ERC2: variants seen among roughly 807,000 people sequenced by gnomAD.
The protein encoded by ERC2 is ERC protein 2.
In ERC2, 42 loss-of-function variants were observed where a neutral mutation model predicts 114.8. The observed-to-expected ratio is 0.37, with a 90% CI of 0.29 to 0.47. The LOEUF (loss-of-function observed/expected upper bound fraction) is 0.47. Ranked by LOEUF, ERC2 falls within the 20% of genes least tolerant of loss-of-function variation. ERC2 has a pLI of 0.99. For synonymous variants in ERC2, 454 were observed against 425.5 expected, an observed-to-expected ratio of 1.07 and a Z score of -0.82; for missense variants, 939 against 1,150.7, an observed-to-expected ratio of 0.82 and a Z score of 2.66.
intron 14 of ERC2, among the ~76,000 whole-genome samples, chr3:55,757,710 A>C (rs1290567443): frequency 2.6e-5 from 4 of 152,186 alleles, no homozygotes; most frequent in African/African-American, 9.7e-5. Flanking sequence ...AGGAGGAGTT[A>C]TAAACCTATA....
chr3:55,733,272 T>C (rs1177440177), intron 15 of ERC2, among the ~76,000 whole-genome samples: 3 of 151,954 alleles, frequency 2.0e-5, no homozygotes, highest in Admixed American at 2.0e-4. Context: ...AGAGGTCAGG[T>C]GTAAGCAATC....
In ERC2 at chr3:55,543,934, C is replaced by T. The variant is rs2054573102; in HGVS notation, c.*40-32658G>A. Among the ~76,000 whole-genome samples the T allele has an allele frequency of 2.6e-5, 4 of 152,214 alleles. No homozygotes were observed. The South Asian group carries it at 8.3e-4, about 32-fold the overall frequency. ...CAATTCAGATTCTCAAGAACAAGAA[C>T]CTGCCTGGCCTATTTCATCCGTTCA... On this transcript the variant is annotated intron_variant, in intron 17 of 17. Coordinates refer to ENST00000288221, the MANE Select transcript of ERC2 (RefSeq NM_015576.3).
In ERC2 at chr3:56,223,518, C is replaced by CA. The variant is rs60141863; in HGVS notation, c.1075-49999dup. The stretch of plus-strand genomic sequence containing the variant: ...CTCAAAGGCTACCAAAGAAAAATGG[C>CA]AAAAAAAAAAAAAAAAAAAAAATGA... On this transcript the variant is annotated intron_variant, in intron 3 of 17. Coordinates refer to ENST00000288221, the MANE Select transcript of ERC2 (RefSeq NM_015576.3). Among the ~76,000 whole-genome samples, 306 of 122,984 alleles carry CA rather than the reference C, an allele frequency of 2.5e-3. 1 individual carries two copies. Among genetic ancestry groups the CA allele is most frequent in the African/African-American group, 8.4e-3 (263 of 31,210 alleles). 80.7% of individuals were successfully genotyped at this position (122,984 alleles called of 152,430 possible).
intron 14 of ERC2, among the ~76,000 whole-genome samples, chr3:55,739,678 T>G (rs946758662): frequency 1.3e-5 from 2 of 152,190 alleles, no homozygotes; most frequent in African/African-American, 4.8e-5. Context: ...GTGGGTAGAT[T>G]GCAAAAATTT....
At chr3:56,201,115 T>C (rs1357532155) in intron 3 of ERC2, among the ~76,000 whole-genome samples, 1 of 152,132 alleles carries the variant, frequency 6.6e-6, no homozygotes, top group African/African-American at 2.4e-5. Flanking sequence ...TCTTCAGTCC[T>C]TCTGCCTGGT....
intron 3 of ERC2, among the ~76,000 whole-genome samples, chr3:56,187,468 G>A (rs548228009): frequency 6.6e-6 from 1 of 152,240 alleles, no homozygotes; most frequent in South Asian, 2.1e-4. Flanking sequence ...TTAGGTAAGT[G>A]GCTTTAAAAC....
At chr3:55,639,082 T>C in intron 17 of ERC2, among the ~76,000 whole-genome samples, 1 of 152,232 alleles carries the variant, frequency 6.6e-6, no homozygotes, top group Non-Finnish European at 1.5e-5. Flanking sequence ...GTCGGTGAGC[T>C]ATCTAACTCT....
At chr3:56,103,967 C>T (rs9844291) in intron 6 of ERC2, among the ~76,000 whole-genome samples, 26,107 of 152,032 alleles carry the variant, frequency 0.17, 2,449 homozygotes, top group African/African-American at 0.23. Flanking sequence ...GGAAGTTCAG[C>T]GGCACTGCTA....
chr3:56,255,595 T>G (rs145924170), intron 3 of ERC2, among the ~76,000 whole-genome samples: 1 of 152,320 alleles, frequency 6.6e-6, no homozygotes, highest in Non-Finnish European at 1.5e-5. Context: ...CTAGATACTT[T>G]CGAGAAATTT....
intron 6 of ERC2, among the ~76,000 whole-genome samples, chr3:56,138,428 G>C (rs532535683): frequency 6.6e-6 from 1 of 152,202 alleles, no homozygotes; most frequent in Non-Finnish European, 1.5e-5. Flanking sequence ...TCGAATTGAA[G>C]CATTCAGGTA....
intron 3 of ERC2, among the ~76,000 whole-genome samples, chr3:56,273,262 CTTTTT>C (rs35595771): frequency 2.1e-5 from 2 of 93,742 alleles, no homozygotes. Flanking sequence ...TTTTTTCTTT[CTTTTT>C]TTTTTTTTTT....
intron 14 of ERC2, among the ~76,000 whole-genome samples, chr3:55,860,085 A>G (rs1319549223): frequency 6.6e-6 from 1 of 152,130 alleles, no homozygotes; most frequent in African/African-American, 2.4e-5. Flanking sequence ...GAAGGTTTTA[A>G]TTATACCCTC....
chr3:55,696,551 C>T (rs2062940683), intron 16 of ERC2, among the ~76,000 whole-genome samples: 1 of 152,202 alleles, frequency 6.6e-6, no homozygotes, highest in African/African-American at 2.4e-5. Context: ...TAAGAAGAAA[C>T]ATATACTCAT....
At chr3:56,343,907 G>A (rs77454544) in intron 2 of ERC2, among the ~76,000 whole-genome samples, 2 of 152,090 alleles carry the variant, frequency 1.3e-5, no homozygotes, top group Admixed American at 6.6e-5. Context: ...ACAATATAAC[G>A]CTAGACTAAA....
At chr3:56,466,832 C>A (rs751761130) in intron 1 of ERC2, among the ~76,000 whole-genome samples, 52 of 152,280 alleles carry the variant, frequency 3.4e-4, no homozygotes, top group Non-Finnish European at 6.2e-4. Flanking sequence ...CCATAGGAGA[C>A]AAAGTGCCAC....
intron 14 of ERC2, among the ~76,000 whole-genome samples, chr3:55,743,843 C>T (rs898625257): frequency 1.3e-5 from 2 of 151,998 alleles, no homozygotes; most frequent in African/African-American, 4.8e-5. Context: ...ACTTCAAGTT[C>T]CTCATAAATA....
At chr3:56,413,799 A>G (rs2061036198) in intron 2 of ERC2, among the ~76,000 whole-genome samples, 1 of 152,244 alleles carries the variant, frequency 6.6e-6, no homozygotes, top group African/African-American at 2.4e-5. Flanking sequence ...TAACAAGAAC[A>G]TGAAACACCT....
intron 17 of ERC2, among the ~76,000 whole-genome samples, chr3:55,641,866 G>A (rs562146120): frequency 2.6e-5 from 4 of 152,128 alleles, no homozygotes; most frequent in East Asian, 1.9e-4. Context: ...AGCCCATTAC[G>A]TTTCTCAGTT....
intron 13 of ERC2, among the ~76,000 whole-genome samples, chr3:55,936,014 C>A (rs778515079): frequency 9.2e-5 from 14 of 152,184 alleles, no homozygotes; most frequent in African/African-American, 3.1e-4. Context: ...GTTATTCATG[C>A]ATCTCATTTT....
Sources: allele counts gnomAD v4.1 joint callset (sites outside exome capture counted in the v4.1 genomes callset), GRCh38; gene constraint gnomAD v4.1.1; transcripts MANE v1.5; gene names NCBI Gene and HGNC (gene_info 2026-07-23, HGNC 2026-07-21).